Variants in KYAT3 observed in about 807,000 individuals in gnomAD.
The protein encoded by KYAT3 is kynurenine aminotransferase 3.
Under a neutral mutation model 59.0 loss-of-function variants are expected in KYAT3, and 50 were observed. That is an observed-to-expected ratio of 0.85 (90% CI 0.68 to 1.07). KYAT3 has a LOEUF of 1.07. KYAT3 is among the 50% of genes least tolerant of loss of function. KYAT3 has a pLI of 0.00. For missense variants in KYAT3, 497 were observed against 533.3 expected (o/e 0.93, Z 0.67); for synonymous variants, 148 against 177.0 (o/e 0.84, Z 1.30).
intron 2 of KYAT3, among the ~76,000 whole-genome samples, chr1:88,976,036 G>GAA (rs67331903): frequency 7.0e-6 from 1 of 141,858 alleles, no homozygotes; most frequent in African/African-American, 2.7e-5. Flanking sequence ...TCCATCTCAA[G>GAA]AAAAAAAAAA....
At chr1:88,945,551 G>C (rs951770133) in intron 11 of KYAT3, among the ~76,000 whole-genome samples, 1 of 152,106 alleles carries the variant, frequency 6.6e-6, no homozygotes, top group Non-Finnish European at 1.5e-5. Context: ...TGATATAATA[G>C]CACCAATTTC....
intron 2 of KYAT3, among the ~76,000 whole-genome samples, chr1:88,971,496 C>A (rs12404560): frequency 1.3e-5 from 2 of 152,014 alleles, no homozygotes; most frequent in Non-Finnish European, 2.9e-5. Flanking sequence ...CCTAAGGAGA[C>A]CTTCTTAGAA....
chr1:88,921,880 C>A, the KYAT3 span, among the ~76,000 whole-genome samples: 2 of 152,142 alleles, frequency 1.3e-5, no homozygotes, highest in Non-Finnish European at 1.5e-5. Context: ...CTGGGTGAGG[C>A]CTATCTAAAT....
At chr1:88,975,508 T>C (rs1384319220) in intron 2 of KYAT3, among the ~76,000 whole-genome samples, 1 of 152,216 alleles carries the variant, frequency 6.6e-6, no homozygotes, top group Non-Finnish European at 1.5e-5. Flanking sequence ...TCTTTTCCCC[T>C]GCATTTTAAA....
intron 11 of KYAT3, among the ~76,000 whole-genome samples, chr1:88,943,751 T>C (rs1314145948): frequency 6.6e-6 from 1 of 152,182 alleles, no homozygotes; most frequent in African/African-American, 2.4e-5. Flanking sequence ...TAAGACTCTA[T>C]GATCATTACT....
rs192354423 is a variant in KYAT3, at chr1:88,962,091, C to T, written c.508G>A (p.Gly170Arg). 5.0e-6 allele frequency: 8 copies of T among 1,613,990 alleles called. No individual in the cohort carries two copies. In the Admixed American group the frequency reaches 5.0e-5, roughly 10 times the overall value. Residue 170 changes from glycine (G) to arginine (R), a missense_variant, in exon 6 of 14, where the codon GGA becomes AGA. By Grantham distance (125) the Gly-to-Arg change is moderately radical. Coordinates refer to ENST00000260508, the MANE Select transcript of KYAT3 (RefSeq NM_001008661.3). ...DCYEPMVRMA[G>R]ATPVFIPLRS... ...AGGGGAATAAAAACAGGTGTTGCTC[C>T]AGCCATTCTCACCATGGGCTCATAG...
At chr1:88,932,182 C>T (rs1350830245), downstream of KYAT3, among the ~76,000 whole-genome samples, 2 of 152,170 alleles carry the variant, frequency 1.3e-5, no homozygotes, top group Admixed American at 6.5e-5. Flanking sequence ...TCTTTGAAGG[C>T]ACTGTGAAGA....
rs1433095880 is a variant in KYAT3, at chr1:88,961,080, TAGA to T, written c.787+84_787+86del. ...CAGATACCCATTACAAAGACTGTTTTAGAGTTGGTCTGGGATGCTTTCCAATCA... is the reference window on the plus strand; with the variant it reads ...CAGATACCCATTACAAAGACTGTTTTGTTGGTCTGGGATGCTTTCCAATCA... On this transcript the variant is annotated intron_variant, in intron 8 of 13. Transcript: ENST00000260508. 13 of 1,365,898 alleles carry T rather than the reference TAGA, an allele frequency of 9.5e-6. No homozygotes were observed. The African/African-American group carries it at 1.7e-4, about 18-fold the overall frequency. 84.6% of individuals were successfully genotyped at this position (1,365,898 alleles called of 1,614,324 possible).
downstream of KYAT3, among the ~76,000 whole-genome samples, chr1:88,934,989 A>ATTTTTTT (rs59691903): frequency 1.8e-5 from 2 of 110,086 alleles, no homozygotes; most frequent in Admixed American, 1.0e-4. Flanking sequence ...TAAAGAAGTG[A>ATTTTTTT]TTTTTTTTTT....
At chr1:88,944,477 C>T (rs185391910) in intron 11 of KYAT3, among the ~76,000 whole-genome samples, 61 of 152,268 alleles carry the variant, frequency 4.0e-4, no homozygotes, top group Admixed American at 3.4e-3. Flanking sequence ...CAACAACAAA[C>T]TGCAATTTAT....
chr1:88,924,922 G>A, the KYAT3 span, among the ~76,000 whole-genome samples: 6 of 152,134 alleles, frequency 3.9e-5, no homozygotes, highest in Non-Finnish European at 8.8e-5. Flanking sequence ...CCATTCCTTG[G>A]AATCCGTGAG....
chr1:88,922,620 G>A, the KYAT3 span, among the ~76,000 whole-genome samples: 3 of 152,160 alleles, frequency 2.0e-5, no homozygotes, highest in East Asian at 5.8e-4. Flanking sequence ...GATGTTCTGA[G>A]GTAGAACAGT....
upstream of KYAT3, chr1:88,992,938 A>C (rs1178538040): frequency 1.5e-5 from 2 of 134,600 alleles, no homozygotes; most frequent in Non-Finnish European, 3.1e-5. Flanking sequence ...ATGGAAATGG[A>C]GGAGGGAAGG....
intron 2 of KYAT3, among the ~76,000 whole-genome samples, chr1:88,969,850 G>A (rs1422486745): frequency 6.6e-6 from 1 of 152,016 alleles, no homozygotes; most frequent in Non-Finnish European, 1.5e-5. Context: ...TAGAGACAGG[G>A]TCTTGTGGTG....
At chr1:88,988,680 G>A (rs1339501557) in intron 1 of KYAT3, among the ~76,000 whole-genome samples, 1 of 152,126 alleles carries the variant, frequency 6.6e-6, no homozygotes, top group Non-Finnish European at 1.5e-5. Context: ...ATTTCTAGCA[G>A]CTATAAAATC....
chr1:88,936,425 AT>A (rs749969507), intron 13 of KYAT3, among the ~76,000 whole-genome samples, 180 bp from the exon 14 acceptor site: 24 of 152,238 alleles, frequency 1.6e-4, no homozygotes, highest in Admixed American at 3.9e-4. Flanking sequence ...AACCAAATGA[AT>A]TATAATTACA....
rs556984416 is a variant in KYAT3, at chr1:88,972,994, T to A, written c.100-3527A>T. Among the ~76,000 whole-genome samples, 6 of 152,338 alleles carry A rather than the reference T, an allele frequency of 3.9e-5. No individual in the cohort carries two copies. The South Asian group carries it at 1.2e-3, about 32-fold the overall frequency. The stretch of plus-strand genomic sequence containing the variant: ...ATGTAATCTTATGTGGATATAGGGT[T>A]ACTGCAGATGTAATTAGTTAAGATG... On this transcript the variant is annotated intron_variant, in intron 2 of 13. Coordinates refer to ENST00000260508, the MANE Select transcript of KYAT3 (RefSeq NM_001008661.3).
At chr1:88,929,778 G>A in the KYAT3 span, among the ~76,000 whole-genome samples, 3 of 152,272 alleles carry the variant, frequency 2.0e-5, no homozygotes, top group Admixed American at 2.0e-4. Flanking sequence ...AGTGAGAAAC[G>A]TATCCAGCCT....
chr1:88,951,938 C>T (rs1675691629), intron 10 of KYAT3, among the ~76,000 whole-genome samples: 1 of 152,010 alleles, frequency 6.6e-6, no homozygotes, highest in South Asian at 2.1e-4. Context: ...AATGTTATCT[C>T]AAAGGTGCTT....
Sources: allele counts gnomAD v4.1 joint callset (sites outside exome capture counted in the v4.1 genomes callset), GRCh38; gene constraint gnomAD v4.1.1; transcripts MANE v1.5; gene names NCBI Gene and HGNC (gene_info 2026-07-23, HGNC 2026-07-21).